RPS6KC1: variants seen among roughly 807,000 people sequenced by gnomAD.
The protein encoded by RPS6KC1 is ribosomal protein S6 kinase C1, also known as inactive ribosomal protein S6 kinase delta-1.
Under a neutral mutation model 103.8 loss-of-function variants are expected in RPS6KC1, and 54 were observed. The observed-to-expected ratio is 0.52, with a 90% CI of 0.42 to 0.65. The LOEUF is 0.65. RPS6KC1 is among the 30% of genes least tolerant of loss of function. The probability of loss-of-function intolerance (pLI) is 0.00; values close to 1 mark genes in which losing one functional copy is unlikely to be tolerated. For missense variants in RPS6KC1, 1,151 were observed against 1,253.8 expected (o/e 0.92, Z 1.24); for synonymous variants, 439 against 438.7 (o/e 1.00, Z -0.01).
At chr1:213,685,252 A>G in the RPS6KC1 span, among the ~76,000 whole-genome samples, 202 of 152,320 alleles carry the variant, frequency 1.3e-3, no homozygotes, top group African/African-American at 4.6e-3. Context: ...CAGAACACTT[A>G]TAAGTCCTGC....
the RPS6KC1 span, among the ~76,000 whole-genome samples, chr1:213,359,538 A>G: frequency 6.6e-6 from 1 of 152,192 alleles, no homozygotes; most frequent in Non-Finnish European, 1.5e-5. Flanking sequence ...TTCTAATTGG[A>G]GCATTTAGCC....
the RPS6KC1 span, among the ~76,000 whole-genome samples, chr1:213,739,807 A>AT: frequency 6.6e-6 from 1 of 152,226 alleles, no homozygotes; most frequent in Admixed American, 6.5e-5. Context: ...GAAATTCAGC[A>AT]TTTTAAGGTA....
chr1:213,708,484 C>A, the RPS6KC1 span, among the ~76,000 whole-genome samples: 2 of 151,730 alleles, frequency 1.3e-5, no homozygotes, highest in African/African-American at 4.8e-5. Context: ...TTATCAGAGC[C>A]TAGGATTGCA....
At chr1:213,346,613 C>A in the RPS6KC1 span, among the ~76,000 whole-genome samples, 1 of 151,650 alleles carries the variant, frequency 6.6e-6, no homozygotes, top group Non-Finnish European at 1.5e-5. Context: ...TATATTCAGG[C>A]TGGTTTGTTA....
At chr1:213,059,117 T>A (rs6694156) in intron 1 of RPS6KC1, among the ~76,000 whole-genome samples, 24,442 of 152,234 alleles carry the variant, frequency 0.16, 5,171 homozygotes, top group African/African-American at 0.49. Context: ...TGACTTTTTT[T>A]AAATTATACT....
At chr1:213,501,858 T>G in the RPS6KC1 span, among the ~76,000 whole-genome samples, 1 of 152,252 alleles carries the variant, frequency 6.6e-6, no homozygotes, top group African/African-American at 2.4e-5. Context: ...TAATCTATCT[T>G]AAATAGATAC....
At chr1:213,073,393 G>A (rs2079041685) in intron 2 of RPS6KC1, among the ~76,000 whole-genome samples, 1 of 152,220 alleles carries the variant, frequency 6.6e-6, no homozygotes, top group Admixed American at 6.5e-5. Flanking sequence ...CCACATCAGT[G>A]TTTTCTTCCT....
the RPS6KC1 span, among the ~76,000 whole-genome samples, chr1:213,773,737 G>A: frequency 6.6e-6 from 1 of 152,080 alleles, no homozygotes; most frequent in Non-Finnish European, 1.5e-5. Flanking sequence ...GGAAGTCTTA[G>A]TCTTTGTGAT....
chr1:213,787,552 G>A, the RPS6KC1 span, among the ~76,000 whole-genome samples: 41 of 152,264 alleles, frequency 2.7e-4, no homozygotes, highest in Admixed American at 2.0e-3. Flanking sequence ...GATCTTACAG[G>A]TGGAGTTCAC....
At chr1:213,401,788 A>G in the RPS6KC1 span, among the ~76,000 whole-genome samples, 5 of 151,426 alleles carry the variant, frequency 3.3e-5, no homozygotes, top group African/African-American at 9.7e-5. Context: ...TACTTACTTT[A>G]TTTATTTATT....
chr1:213,314,248 A>G, the RPS6KC1 span, among the ~76,000 whole-genome samples: 1 of 152,194 alleles, frequency 6.6e-6, no homozygotes, highest in African/African-American at 2.4e-5. Context: ...TCCCATTCCA[A>G]TGACCTCATC....
At chr1:213,536,645 T>TG in the RPS6KC1 span, among the ~76,000 whole-genome samples, 2 of 152,180 alleles carry the variant, frequency 1.3e-5, no homozygotes, top group Non-Finnish European at 2.9e-5. Flanking sequence ...GTTTATACCT[T>TG]GGGCCTGGAT....
At chr1:213,377,480 A>G in the RPS6KC1 span, among the ~76,000 whole-genome samples, 2 of 152,124 alleles carry the variant, frequency 1.3e-5, no homozygotes, top group African/African-American at 4.8e-5. Context: ...GTCCTTTGTC[A>G]TTGTTTTTCT....
the RPS6KC1 span, among the ~76,000 whole-genome samples, chr1:213,445,300 C>T: frequency 1.3e-5 from 2 of 152,190 alleles, no homozygotes; most frequent in Non-Finnish European, 2.9e-5. Context: ...ATTTCATGTA[C>T]AAGTCTTTAT....
At chr1:213,467,615 TGAA>T in the RPS6KC1 span, among the ~76,000 whole-genome samples, 2 of 152,226 alleles carry the variant, frequency 1.3e-5, no homozygotes, top group Non-Finnish European at 2.9e-5. Flanking sequence ...TTTTGGCAAA[TGAA>T]GAAATAGATT....
the RPS6KC1 span, among the ~76,000 whole-genome samples, chr1:213,632,643 C>T: frequency 6.6e-6 from 1 of 152,222 alleles, no homozygotes; most frequent in African/African-American, 2.4e-5. Flanking sequence ...TCTTCTCCTC[C>T]AAAGGATCGC....
chr1:213,594,604 T>C, the RPS6KC1 span, among the ~76,000 whole-genome samples: 1 of 152,204 alleles, frequency 6.6e-6, no homozygotes, highest in African/African-American at 2.4e-5. Flanking sequence ...ATCTTCATAA[T>C]AATAACAAAA....
chr1:213,134,520 A>G (rs937653016), intron 6 of RPS6KC1, among the ~76,000 whole-genome samples: 2 of 152,118 alleles, frequency 1.3e-5, no homozygotes, highest in Non-Finnish European at 2.9e-5. Flanking sequence ...AAGAGATGCA[A>G]ACATTTTCAT....
At chr1:213,528,418 A>C in the RPS6KC1 span, among the ~76,000 whole-genome samples, 1 of 141,286 alleles carries the variant, frequency 7.1e-6, no homozygotes, top group Non-Finnish European at 1.5e-5. Flanking sequence ...CTCCCACGAC[A>C]CATGGGGATT....
Sources: gnomAD v4.1 joint callset for allele counts (sites outside exome capture counted in the v4.1 genomes callset) on GRCh38, gnomAD v4.1.1 for gene constraint, MANE v1.5 for transcripts, NCBI Gene and HGNC (gene_info 2026-07-23, HGNC 2026-07-21) for gene names.